The following GALNTL6 variants were observed in gnomAD, a reference collection of about 807,000 sequenced individuals.
The protein encoded by GALNTL6 is polypeptide N-acetylgalactosaminyltransferase like 6.
A neutral mutation model predicts 73.7 loss-of-function variants in GALNTL6; 46 were observed. The ratio of observed to expected loss-of-function variants is 0.62; its 90% CI spans 0.49 to 0.80. The LOEUF is 0.80. Among genes scored for constraint, GALNTL6 ranks in the 30% least tolerant of loss-of-function variants. The pLI, the probability that GALNTL6 is intolerant of heterozygous loss-of-function variation, is 0.00. For synonymous variants in GALNTL6, 259 were observed against 263.7 expected (o/e 0.98, Z 0.17); for missense variants, 604 against 755.0 (o/e 0.80, Z 2.34).
chr4:172,352,546 C>G (rs1191946348), intron 5 of GALNTL6, among the ~76,000 whole-genome samples: 1 of 152,140 alleles, frequency 6.6e-6, no homozygotes, highest in Non-Finnish European at 1.5e-5. Flanking sequence ...TCTCCAAATT[C>G]CAGGCAACCT....
intron 7 of GALNTL6, among the ~76,000 whole-genome samples, chr4:172,824,138 A>G (rs1322308668): frequency 5.9e-5 from 9 of 152,216 alleles, no homozygotes; most frequent in Admixed American, 5.9e-4. Context: ...GTATAGCTCT[A>G]AAGTCTAGCG....
At chr4:171,833,105 T>C (rs1377051032) in intron 2 of GALNTL6, among the ~76,000 whole-genome samples, 1 of 151,746 alleles carries the variant, frequency 6.6e-6, no homozygotes, top group Non-Finnish European at 1.5e-5. Context: ...TACTAAGCAA[T>C]ATTAAAAGTA....
chr4:172,625,079 T>C (rs1462909730), intron 5 of GALNTL6, among the ~76,000 whole-genome samples: 1 of 152,028 alleles, frequency 6.6e-6, no homozygotes, highest in East Asian at 1.9e-4. Context: ...GTTTTTAGTA[T>C]TGTGCAGTGC....
chr4:172,782,050 A>T (rs1243580288), intron 5 of GALNTL6, among the ~76,000 whole-genome samples: 2 of 152,206 alleles, frequency 1.3e-5, no homozygotes, highest in East Asian at 3.9e-4. Flanking sequence ...AGCACCTAAT[A>T]TAAAGGTGAA....
intron 5 of GALNTL6, among the ~76,000 whole-genome samples, chr4:172,635,987 G>A (rs1739657701): frequency 6.6e-6 from 1 of 152,088 alleles, no homozygotes; most frequent in Admixed American, 6.6e-5. Context: ...TAAATTTTCA[G>A]TCCACCTTTC....
intron 2 of GALNTL6, among the ~76,000 whole-genome samples, chr4:172,077,845 CA>C (rs1731748289): frequency 6.6e-6 from 1 of 152,130 alleles, no homozygotes; most frequent in African/African-American, 2.4e-5. Flanking sequence ...CCTCCCATCA[CA>C]GGCCTGGAGA....
intron 2 of GALNTL6, among the ~76,000 whole-genome samples, chr4:171,953,310 G>A (rs1297838096): frequency 2.0e-5 from 3 of 150,986 alleles, no homozygotes; most frequent in Non-Finnish European, 4.4e-5. Context: ...AGGAAAATTA[G>A]CAGCAGTATA....
At chr4:172,690,205 T>C (rs1437837) in intron 5 of GALNTL6, among the ~76,000 whole-genome samples, 65,001 of 152,088 alleles carry the variant, frequency 0.43, 16,119 homozygotes, top group East Asian at 0.68. Flanking sequence ...GAATGTCAAA[T>C]AGCTTGAAAA....
Position 171,964,705 on chromosome 4 carries a change from G to T in GALNTL6, c.138+149987G>T, listed in dbSNP as rs1174604240. On this transcript the variant is annotated intron_variant, in intron 2 of 12. Coordinates refer to ENST00000506823, the MANE Select transcript of GALNTL6 (RefSeq NM_001034845.3). ...CATAAAGTTGAACAGTTGGTCTAGT[G>T]GTGGCTATGAAGCAGCACCTAGATC... is the stretch of plus-strand genomic sequence containing the variant. Among the ~76,000 whole-genome samples, 5 of 152,144 alleles carry T rather than the reference G, an allele frequency of 3.3e-5. No homozygotes were observed. In the East Asian group the frequency reaches 7.7e-4, roughly 23 times the overall value.
chr4:172,044,616 T>A (rs1319556823), intron 2 of GALNTL6, among the ~76,000 whole-genome samples: 1 of 151,996 alleles, frequency 6.6e-6, no homozygotes, highest in Non-Finnish European at 1.5e-5. Flanking sequence ...AATATATGCC[T>A]GTAAATGCTG....
chr4:172,655,652 A>G (rs17058708), intron 5 of GALNTL6, among the ~76,000 whole-genome samples: 3,008 of 152,314 alleles, frequency 0.02, 44 homozygotes, highest in Middle Eastern at 0.037. Flanking sequence ...CCTCAAGAGT[A>G]GTATCCCAAA....
chr4:171,857,129 G>A (rs774498340), intron 2 of GALNTL6, among the ~76,000 whole-genome samples: 6 of 152,024 alleles, frequency 3.9e-5, no homozygotes, highest in Non-Finnish European at 8.8e-5. Flanking sequence ...GAATGTTAGT[G>A]TATAGTAACA....
intron 2 of GALNTL6, among the ~76,000 whole-genome samples, chr4:172,063,219 ACTTT>A (rs1731261119): frequency 6.6e-6 from 1 of 152,200 alleles, no homozygotes; most frequent in African/African-American, 2.4e-5. Context: ...ACTTTGCTTC[ACTTT>A]CTTCAATTAG....
intron 5 of GALNTL6, among the ~76,000 whole-genome samples, chr4:172,630,708 C>CAT (rs35823281): frequency 3.3e-4 from 49 of 149,560 alleles, no homozygotes; most frequent in East Asian, 9.9e-4. Flanking sequence ...TCCAACTCAA[C>CAT]ATATATATAT....
chr4:172,169,264 A>C (rs1734735491), intron 2 of GALNTL6, among the ~76,000 whole-genome samples: 1 of 152,184 alleles, frequency 6.6e-6, no homozygotes, highest in South Asian at 2.1e-4. Flanking sequence ...TGGAGGAAGA[A>C]GAGGACTGTT....
chr4:172,671,661 T>C (rs1174492180), intron 5 of GALNTL6, among the ~76,000 whole-genome samples: 1 of 152,186 alleles, frequency 6.6e-6, no homozygotes, highest in Non-Finnish European at 1.5e-5. Flanking sequence ...TTCTTTCTCC[T>C]GATTGCCCAG....
intron 5 of GALNTL6, among the ~76,000 whole-genome samples, chr4:172,435,931 A>G (rs1027071189): frequency 9.2e-5 from 14 of 152,144 alleles, no homozygotes; most frequent in African/African-American, 3.4e-4. Flanking sequence ...TGGCTTGAGG[A>G]TTATCCTTCC....
intron 9 of GALNTL6, among the ~76,000 whole-genome samples, chr4:172,945,058 CAAA>C (rs200461415): frequency 1.3e-5 from 1 of 76,882 alleles, no homozygotes; most frequent in Non-Finnish European, 2.6e-5. Flanking sequence ...AATTCCATCT[CAAA>C]AAAAAAAAAA....
At chr4:172,404,734 A>G (rs936489516) in intron 5 of GALNTL6, among the ~76,000 whole-genome samples, 2 of 152,118 alleles carry the variant, frequency 1.3e-5, no homozygotes, top group African/African-American at 2.4e-5. Flanking sequence ...AATAGTACAT[A>G]ATATAGCCAA....
Sources: allele counts gnomAD v4.1 joint callset (sites outside exome capture counted in the v4.1 genomes callset), GRCh38; gene constraint gnomAD v4.1.1; transcripts MANE v1.5; gene names NCBI Gene and HGNC (gene_info 2026-07-23, HGNC 2026-07-21).